The following BEST3 variants were observed in gnomAD, a reference collection of about 807,000 sequenced individuals.
BEST3 encodes bestrophin 3.
Under a neutral mutation model 47.1 loss-of-function variants are expected in BEST3, and 50 were observed. The observed-to-expected ratio is 1.06, with a 90% CI of 0.85 to 1.34. The LOEUF (loss-of-function observed/expected upper bound fraction) is 1.34. Ranked by LOEUF, BEST3 falls within the 40% of genes most tolerant of loss-of-function variation. The pLI, the probability that BEST3 is intolerant of heterozygous loss-of-function variation, is 0.00. For synonymous variants in BEST3, 282 were observed against 298.8 expected (o/e 0.94, Z 0.58); for missense variants, 765 against 817.0 (o/e 0.94, Z 0.78).
At chr12:69,679,660 A>G (rs1160738326) in intron 4 of BEST3, among the ~76,000 whole-genome samples, 2 of 152,326 alleles carry the variant, frequency 1.3e-5, no homozygotes, top group East Asian at 1.9e-4. Flanking sequence ...CAGGAGTTCA[A>G]CACGAGCCTG....
intron 9 of BEST3, among the ~76,000 whole-genome samples, chr12:69,668,288 C>T (rs182185426): frequency 6.8e-4 from 103 of 152,278 alleles, no homozygotes; most frequent in African/African-American, 2.4e-3. Flanking sequence ...ATGCTGGGAA[C>T]ATACACCTTA....
intron 9 of BEST3, among the ~76,000 whole-genome samples, chr12:69,659,841 A>G (rs904653841): frequency 6.6e-6 from 1 of 152,180 alleles, no homozygotes; most frequent in East Asian, 1.9e-4. Flanking sequence ...CGATAGAATA[A>G]AAGTACCCTC....
chr12:69,693,602 A>G, intron 4 of BEST3, 72 bp downstream of exon 4: 1 of 1,265,056 alleles, frequency 7.9e-7, no homozygotes, highest in Non-Finnish European at 1.1e-6. Flanking sequence ...AACATAAAGA[A>G]TTTTCAAAGG....
intron 4 of BEST3, among the ~76,000 whole-genome samples, chr12:69,685,593 A>C (rs1885531793): frequency 6.6e-6 from 1 of 152,188 alleles, no homozygotes. Context: ...TCCAACATGC[A>C]GCAAAGTTTA....
At chr12:69,667,793 T>C (rs780363443) in intron 9 of BEST3, among the ~76,000 whole-genome samples, 8 of 152,170 alleles carry the variant, frequency 5.3e-5, no homozygotes, top group Non-Finnish European at 1.0e-4. Context: ...TTTTTTCTTT[T>C]CTTTTTTTGA....
At chr12:69,698,195 G>C (rs570381675) in intron 1 of BEST3, among the ~76,000 whole-genome samples, 1 of 152,262 alleles carries the variant, frequency 6.6e-6, no homozygotes, top group African/African-American at 2.4e-5. Flanking sequence ...CTCTAGTGGA[G>C]GTCCAAATGC....
chr12:69,671,545 C>T lies in BEST3; in HGVS notation c.983G>A (p.Ser328Asn), dbSNP rs1884575995. The T allele has an allele frequency of 6.2e-7, 1 of 1,613,874 alleles. No homozygotes were observed. Among genetic ancestry groups the T allele is most frequent in the East Asian group, 2.2e-5 (1 of 44,888 alleles). Residue 328 changes from serine (S) to asparagine (N), a missense_variant, in exon 9 of 10, where the codon AGC (serine) becomes AAC (asparagine). Ser to Asn is a conservative substitution (Grantham distance 46). Transcript: ENST00000330891. Reference protein sequence around the residue: ...SLLAVDEMHMSLPKMKKDIYW... With the variant: ...SLLAVDEMHMNLPKMKKDIYW... ...AATGTCCTTCTTCATCTTGGGTAAG[C>T]TCATGTGCATTTCGTCCACAGCTAA...
chr12:69,676,857 A>T (rs756421236), intron 7 of BEST3, 59 bp downstream of exon 7: 1 of 1,531,784 alleles, frequency 6.5e-7, no homozygotes, highest in Non-Finnish European at 9.0e-7. Flanking sequence ...GTAAAGGATT[A>T]GTGTGGAGAG....
At chr12:69,672,387 T>A (rs710726) in intron 8 of BEST3, among the ~76,000 whole-genome samples, 1 of 152,258 alleles carries the variant, frequency 6.6e-6, no homozygotes, top group Non-Finnish European at 1.5e-5. Flanking sequence ...TCAGGGTAAG[T>A]GCCCTGGGGC....
chr12:69,645,965 C>T (rs932983882), intron 9 of BEST3, among the ~76,000 whole-genome samples: 2 of 152,176 alleles, frequency 1.3e-5, no homozygotes. Flanking sequence ...GAGATGGAGT[C>T]TCGCTCTGTC....
rs528337171 is a variant in BEST3, at chr12:69,673,896, G to A, written c.868-931C>T. Among the ~76,000 whole-genome samples the A allele has an allele frequency of 3.9e-5, 6 of 152,240 alleles. No homozygotes were observed. In the South Asian group the frequency reaches 1.2e-3, roughly 32 times the overall value. The stretch of plus-strand genomic sequence containing the variant: ...TTTCCTGCCGGGAAAATGTTAGGTA[G>A]CTATTGTCACAAATCTTTTAATATT... On this transcript the variant is annotated intron_variant, in intron 7 of 9. Transcript: ENST00000330891.
chr12:69,696,614 G>A (rs372551456), intron 2 of BEST3, among the ~76,000 whole-genome samples: 2 of 152,170 alleles, frequency 1.3e-5, no homozygotes, highest in South Asian at 4.1e-4. Context: ...GCATACACTT[G>A]CTTGGAAGGG....
intron 9 of BEST3, among the ~76,000 whole-genome samples, chr12:69,657,727 A>G (rs879566055): frequency 6.6e-5 from 10 of 152,216 alleles, no homozygotes; most frequent in Non-Finnish European, 2.9e-5. Flanking sequence ...TGTAACTTGA[A>G]AGGGCAAAGC....
At chr12:69,651,679 G>A (rs561974101), downstream of BEST3, among the ~76,000 whole-genome samples, 6 of 151,640 alleles carry the variant, frequency 4.0e-5, no homozygotes, top group East Asian at 7.8e-4. Context: ...GGAGACTGAG[G>A]CAGGAGAATT....
chr12:69,659,079 C>T (rs1883705614), intron 9 of BEST3, among the ~76,000 whole-genome samples: 1 of 152,140 alleles, frequency 6.6e-6, no homozygotes, highest in Non-Finnish European at 1.5e-5. Context: ...GAAACAGGGT[C>T]TTTAGAAGCA....
At chr12:69,693,987 G>T in intron 3 of BEST3, 80 bp from the exon 4 acceptor site, 1 of 1,131,018 alleles carries the variant, frequency 8.8e-7, no homozygotes, top group Non-Finnish European at 1.3e-6. Context: ...CTGAATTTTA[G>T]CCTTTTTAGA....
intron 4 of BEST3, among the ~76,000 whole-genome samples, chr12:69,688,577 G>A (rs710711): frequency 0.66 from 100,311 of 152,102 alleles, 33,558 homozygotes; most frequent in African/African-American, 0.77. Flanking sequence ...AAAAGCAAGA[G>A]AAGTTCAAGG....
At chr12:69,683,521 T>C (rs1399887736) in intron 4 of BEST3, 1 of 152,234 alleles carries the variant, frequency 6.6e-6, no homozygotes, top group Non-Finnish European at 1.5e-5. Context: ...TAAATGCATA[T>C]CTGATTGCCT....
intron 8 of BEST3, 127 bp from the exon 9 acceptor site, chr12:69,671,706 T>A: frequency 1.2e-6 from 1 of 827,628 alleles, no homozygotes; most frequent in East Asian, 2.6e-5. Flanking sequence ...TACAAATGTC[T>A]GTAGTTCATA....
Sources: gnomAD v4.1 joint callset for allele counts (sites outside exome capture counted in the v4.1 genomes callset) on GRCh38, gnomAD v4.1.1 for gene constraint, MANE v1.5 for transcripts, NCBI Gene and HGNC (gene_info 2026-07-23, HGNC 2026-07-21) for gene names.